The following LEMD1 variants were observed in gnomAD, a reference collection of about 807,000 sequenced individuals.
The protein encoded by LEMD1 is LEM domain containing 1.
A neutral mutation model predicts 17.4 loss-of-function variants in LEMD1; 18 were observed. The ratio of observed to expected loss-of-function variants is 1.04; its 90% CI spans 0.72 to 1.54. The LOEUF is 1.54. Among genes scored for constraint, LEMD1 ranks in the 40% most tolerant of loss-of-function variants. The probability of loss-of-function intolerance (pLI) is 0.00; values close to 1 mark genes in which losing one functional copy is unlikely to be tolerated. For synonymous variants in LEMD1, 88 were observed against 77.8 expected (o/e 1.13, Z -0.69); for missense variants, 195 against 210.4 (o/e 0.93, Z 0.45).
chr1:205,441,846 C>G lies in LEMD1; in HGVS notation c.-39+8022G>C, dbSNP rs1362285925. On this transcript the variant is annotated intron_variant, in intron 1 of 3. Transcript: ENST00000367154. The surrounding 1 kb of genome is among the most constrained non-coding windows in gnomAD (Gnocchi z 4.3). The stretch of plus-strand genomic sequence containing the variant: ...GGTAGAGGCTGAGGCTGGATCTGCC[C>G]CAGCTGGACACGCTGTCCCCCACCT... Among the ~76,000 whole-genome samples the G allele has an allele frequency of 6.6e-6, 1 of 152,174 alleles. No homozygotes were observed. Among genetic ancestry groups the G allele is most frequent in the Non-Finnish European group, 1.5e-5 (1 of 68,026 alleles).
intron 1 of LEMD1, among the ~76,000 whole-genome samples, chr1:205,432,648 C>T (rs573722657): frequency 2.6e-5 from 4 of 152,348 alleles, no homozygotes; most frequent in South Asian, 4.1e-4. Context: ...TAGCTCTGTC[C>T]GTGCGTACAT....
chr1:205,381,521 C>T lies in LEMD1; in HGVS notation c.*137G>A. The T allele has an allele frequency of 1.2e-6, 1 of 809,716 alleles. No individual in the cohort carries two copies. Among genetic ancestry groups the T allele is most frequent in the Non-Finnish European group, 2.0e-6 (1 of 491,074 alleles). The allele number at this position is 809,716 out of a possible 1,614,324, so 50.2% of individuals were successfully genotyped here. The stretch of plus-strand genomic sequence containing the variant: ...CACCTGGCTGAGCCCAGACACCGAT[C>T]TGTGAGAGCAGCACAGTGCAAGGGA... On this transcript the variant is annotated 3_prime_UTR_variant, in exon 6 of 6. Coordinates refer to ENST00000367153, the MANE Select transcript of LEMD1 (RefSeq NM_001199050.2).
At chr1:205,390,317 T>G (rs1191846982) in intron 4 of LEMD1, among the ~76,000 whole-genome samples, 1 of 151,046 alleles carries the variant, frequency 6.6e-6, no homozygotes, top group Non-Finnish European at 1.5e-5. Flanking sequence ...ATTACGCCAC[T>G]GCACTCCAGC....
chr1:205,419,547 C>G (rs1277293486), intron 2 of LEMD1, among the ~76,000 whole-genome samples, 195 bp from the exon 3 acceptor site: 1 of 152,190 alleles, frequency 6.6e-6, no homozygotes, highest in African/African-American at 2.4e-5. Flanking sequence ...TCACTGAAGC[C>G]TCTGCCTCCC....
intron 4 of LEMD1, among the ~76,000 whole-genome samples, chr1:205,411,185 GGAAA>G (rs1260725603): frequency 3.5e-4 from 44 of 125,114 alleles, no homozygotes; most frequent in African/African-American, 1.2e-3. Context: ...AAGGAAAGAA[GGAAA>G]GGAAGGAAGG....
intron 1 of LEMD1, chr1:205,449,860 C>T (rs2102478205): frequency 6.6e-6 from 1 of 152,668 alleles, no homozygotes; most frequent in East Asian, 1.9e-4. Flanking sequence ...GTCCCAGGGG[C>T]TGCTCACCTG....
intron 1 of LEMD1, among the ~76,000 whole-genome samples, chr1:205,428,888 G>C (rs1419091837): frequency 1.3e-5 from 2 of 152,168 alleles, no homozygotes; most frequent in Non-Finnish European, 2.9e-5. Context: ...AGAGTGTCAG[G>C]AATGAGTCAG....
At chr1:205,414,576 C>G (rs1343997557) in intron 4 of LEMD1, among the ~76,000 whole-genome samples, 4 of 152,058 alleles carry the variant, frequency 2.6e-5, no homozygotes, top group African/African-American at 9.7e-5. Context: ...AGGTGTGCAC[C>G]ACCACACCCA....
At chr1:205,429,770 A>C (rs1040262304) in intron 1 of LEMD1, among the ~76,000 whole-genome samples, 1 of 148,452 alleles carries the variant, frequency 6.7e-6, no homozygotes, top group Non-Finnish European at 1.5e-5. Context: ...TTTCTCGGCT[A>C]TTTTGATGTT....
chr1:205,425,651 G>C (rs897102429), upstream of LEMD1, among the ~76,000 whole-genome samples: 9 of 152,168 alleles, frequency 5.9e-5, no homozygotes, highest in Admixed American at 3.9e-4. Context: ...TGTAGTGGGG[G>C]AAATGGAAGA....
intron 1 of LEMD1, chr1:205,436,482 C>G (rs948245385): frequency 6.7e-6 from 1 of 148,668 alleles, no homozygotes; most frequent in Admixed American, 6.8e-5. Context: ...CACAATAACC[C>G]CGGCACAGTG....
chr1:205,399,123 G>A (rs1301875444), intron 4 of LEMD1, among the ~76,000 whole-genome samples: 2 of 151,882 alleles, frequency 1.3e-5, no homozygotes, highest in African/African-American at 4.8e-5. Context: ...GTTGAGGCAG[G>A]AGAATTACTC....
chr1:205,394,851 G>A (rs1210511622), intron 4 of LEMD1, among the ~76,000 whole-genome samples: 1 of 151,894 alleles, frequency 6.6e-6, no homozygotes, highest in Non-Finnish European at 1.5e-5. Context: ...GCCGGGTGTG[G>A]TGACGTGCAC....
intron 3 of LEMD1, among the ~76,000 whole-genome samples, chr1:205,417,219 C>T (rs1408703180): frequency 2.6e-5 from 4 of 152,164 alleles, no homozygotes; most frequent in African/African-American, 9.7e-5. Context: ...ACTGAATCAA[C>T]GCTTCCACCT....
chr1:205,395,356 A>G (rs6681779), intron 4 of LEMD1, among the ~76,000 whole-genome samples: 46,896 of 151,986 alleles, frequency 0.31, 7,546 homozygotes, highest in South Asian at 0.49. Flanking sequence ...GCACTTTGGG[A>G]GGCTGAGGTG....
Position 205,420,468 on chromosome 1 carries a change from A to G in LEMD1, c.69T>C (p.Pro23=). 6.2e-7 allele frequency: 1 copy of G among 1,613,482 alleles called. No individual in the cohort carries two copies. The highest frequency in any genetic ancestry group is 8.5e-7 in the Non-Finnish European group (1 of 1,179,408). ...QNQLEKLGFS[P]GPILPSTRKL... ...TACTGTACATACGTAGTATTGGGCC[A>G]GGTGAAAATCCAAGCTTCTCAAGTT... is the stretch of plus-strand genomic sequence containing the variant. Residue 23 remains proline, a synonymous_variant, in exon 2 of 6, where the codon CCT becomes CCC. Coordinates refer to ENST00000367153, the MANE Select transcript of LEMD1 (RefSeq NM_001199050.2).
upstream of LEMD1, among the ~76,000 whole-genome samples, chr1:205,426,119 T>C (rs1666051793): frequency 6.6e-6 from 1 of 152,184 alleles, no homozygotes; most frequent in East Asian, 1.9e-4. Context: ...TAGGAAGATA[T>C]CCATCTACCC....
At chr1:205,402,364 C>T (rs1047220597) in intron 4 of LEMD1, among the ~76,000 whole-genome samples, 1 of 152,204 alleles carries the variant, frequency 6.6e-6, no homozygotes, top group African/African-American at 2.4e-5. Context: ...TTGTTTGTAT[C>T]CTCTTTTATT....
chr1:205,421,444 A>G (rs181527350), intron 1 of LEMD1, among the ~76,000 whole-genome samples: 246 of 152,362 alleles, frequency 1.6e-3, no homozygotes, highest in African/African-American at 5.7e-3. Flanking sequence ...ATAATTATTC[A>G]GCATAGGAGG....
Sources: allele counts gnomAD v4.1 joint callset (sites outside exome capture counted in the v4.1 genomes callset), GRCh38; gene constraint gnomAD v4.1.1; non-coding constraint Gnocchi (gnomAD v3.1); transcripts MANE v1.5; gene names NCBI Gene and HGNC (gene_info 2026-07-23, HGNC 2026-07-21).